DLG1: variants seen among roughly 807,000 people sequenced by gnomAD.
DLG1 encodes discs large MAGUK scaffold protein 1, also known as disks large homolog 1.
In DLG1, 42 loss-of-function variants were observed where a neutral mutation model predicts 123.4. That is an observed-to-expected ratio of 0.34 (90% CI 0.27 to 0.44). The LOEUF (loss-of-function observed/expected upper bound fraction) is 0.44. DLG1 is among the 20% of genes least tolerant of loss of function. The pLI, the probability that DLG1 is intolerant of heterozygous loss-of-function variation, is 1.00. For synonymous variants in DLG1, 317 were observed against 356.2 expected, an observed-to-expected ratio of 0.89 and a Z score of 1.24; for missense variants, 942 against 1,082.6, an observed-to-expected ratio of 0.87 and a Z score of 1.82.
intron 24 of DLG1, among the ~76,000 whole-genome samples, chr3:197,045,635 G>A (rs920685426): frequency 6.6e-6 from 1 of 152,040 alleles, no homozygotes; most frequent in Non-Finnish European, 1.5e-5. Context: ...TGGCTACTTG[G>A]GAGGCTGAGA....
chr3:197,077,629 T>C (rs1005326515), intron 17 of DLG1, among the ~76,000 whole-genome samples: 3 of 152,218 alleles, frequency 2.0e-5, no homozygotes, highest in Non-Finnish European at 4.4e-5. Context: ...TTATACATAA[T>C]TGTAACGTGG....
At chr3:197,056,020 T>C (rs1731431787) in intron 23 of DLG1, among the ~76,000 whole-genome samples, 1 of 152,208 alleles carries the variant, frequency 6.6e-6, no homozygotes. Context: ...CATGGCTACA[T>C]GCTATGGGAC....
chr3:197,203,907 A>G (rs1210246048), intron 4 of DLG1, among the ~76,000 whole-genome samples: 1 of 152,166 alleles, frequency 6.6e-6, no homozygotes, highest in African/African-American at 2.4e-5. Flanking sequence ...CAACACAGAT[A>G]CTTTTAGGGT....
intron 5 of DLG1, chr3:197,184,196 C>G (rs1714370702): frequency 1.2e-6 from 1 of 847,686 alleles, no homozygotes; most frequent in Non-Finnish European, 1.4e-6. Flanking sequence ...GCTATAAACA[C>G]TGGACTACCA....
intron 1 of DLG1, chr3:197,297,990 C>G (rs1778350035): frequency 6.5e-6 from 6 of 929,538 alleles, no homozygotes; most frequent in Non-Finnish European, 7.7e-6. Flanking sequence ...TCCTCCTTCT[C>G]GGCCGCGCCG....
At chr3:197,137,586 G>A (rs1785657260) in intron 9 of DLG1, among the ~76,000 whole-genome samples, 3 of 152,026 alleles carry the variant, frequency 2.0e-5, no homozygotes, top group Admixed American at 2.0e-4. Context: ...AACATGCTGA[G>A]CAAATATTGA....
intron 5 of DLG1, among the ~76,000 whole-genome samples, chr3:197,163,524 A>AT (rs59011566): frequency 0.031 from 4,327 of 140,422 alleles, 124 homozygotes; most frequent in African/African-American, 0.076. Flanking sequence ...AATGGGTATG[A>AT]TTTTTTTTTT....
chr3:197,189,864 G>A (rs1237965615), intron 5 of DLG1, among the ~76,000 whole-genome samples: 1 of 152,176 alleles, frequency 6.6e-6, no homozygotes, highest in Non-Finnish European at 1.5e-5. Flanking sequence ...CAAAATGCCA[G>A]CAACTGCAAG....
intron 23 of DLG1, among the ~76,000 whole-genome samples, chr3:197,059,646 G>A (rs1401868673): frequency 1.3e-4 from 2 of 15,862 alleles, no homozygotes; most frequent in East Asian, 3.2e-3. Flanking sequence ...CTAGTCACAC[G>A]TGGGGCTATT....
intron 3 of DLG1, 27 bp downstream of exon 3, chr3:197,296,319 T>G: frequency 6.2e-7 from 1 of 1,605,538 alleles, no homozygotes; most frequent in Non-Finnish European, 8.5e-7. Context: ...CTAGCTGGCA[T>G]AATAGTTACG....
chr3:197,196,691 G>T (rs749151747), intron 4 of DLG1, among the ~76,000 whole-genome samples: 3 of 152,132 alleles, frequency 2.0e-5, no homozygotes, highest in African/African-American at 7.2e-5. Flanking sequence ...CACACCCATC[G>T]TAGGAAATTC....
chr3:197,111,173 C>T (rs1769794684), intron 13 of DLG1, among the ~76,000 whole-genome samples: 2 of 152,166 alleles, frequency 1.3e-5, no homozygotes, highest in African/African-American at 2.4e-5. Context: ...TATTTAACTG[C>T]ACTCACATTA....
At chr3:197,130,480 C>G in intron 11 of DLG1, 47 bp downstream of exon 11, 3 of 1,484,996 alleles carry the variant, frequency 2.0e-6, no homozygotes, top group Admixed American at 2.0e-5. Context: ...GGCATCACAA[C>G]TGAAGAAGTA....
chr3:197,176,414 T>C (rs1047314216), intron 5 of DLG1, among the ~76,000 whole-genome samples: 1 of 152,168 alleles, frequency 6.6e-6, no homozygotes, highest in Admixed American at 6.5e-5. Flanking sequence ...GCCATTATAG[T>C]ATCATACAGA....
chr3:197,258,524 G>T (rs909071146), intron 4 of DLG1, among the ~76,000 whole-genome samples: 4 of 151,616 alleles, frequency 2.6e-5, no homozygotes, highest in Non-Finnish European at 5.9e-5. Flanking sequence ...ATGATGCAAC[G>T]TGCCTACCTA....
chr3:197,166,745 G>C (rs1223918956), intron 5 of DLG1, among the ~76,000 whole-genome samples: 1 of 152,070 alleles, frequency 6.6e-6, no homozygotes, highest in African/African-American at 2.4e-5. Context: ...CAAAAAATTA[G>C]CTGGACATGG....
intron 19 of DLG1, chr3:197,068,459 T>C (rs1165958650): frequency 1.5e-6 from 2 of 1,343,392 alleles, no homozygotes; most frequent in African/African-American, 2.9e-5. Context: ...GTATATACTG[T>C]CAACATGAAA....
intron 4 of DLG1, among the ~76,000 whole-genome samples, chr3:197,280,493 C>T (rs930603377): frequency 1.2e-4 from 18 of 152,080 alleles, no homozygotes; most frequent in Non-Finnish European, 5.9e-5. Context: ...TATCCTTTCT[C>T]TTGGACAGAT....
At chr3:197,104,797 C>CA in intron 14 of DLG1, 106 bp downstream of exon 14, 1 of 786,496 alleles carries the variant, frequency 1.3e-6, no homozygotes, top group Non-Finnish European at 2.1e-6. Flanking sequence ...AAAAAAAGCA[C>CA]AAAAAAGGAA....
Sources: gnomAD v4.1 joint callset for allele counts (sites outside exome capture counted in the v4.1 genomes callset) on GRCh38, gnomAD v4.1.1 for gene constraint, MANE v1.5 for transcripts, NCBI Gene and HGNC (gene_info 2026-07-23, HGNC 2026-07-21) for gene names.